GSG1L: variants seen among roughly 807,000 people sequenced by gnomAD.
The protein encoded by GSG1L is germ cell-specific gene 1-like protein.
In GSG1L, 24 loss-of-function variants were observed where a neutral mutation model predicts 42.1. The ratio of observed to expected loss-of-function variants is 0.57; its 90% CI spans 0.41 to 0.80. GSG1L has a LOEUF of 0.80. Among genes scored for constraint, GSG1L ranks in the 30% least tolerant of loss-of-function variants. The pLI is 0.00. For missense variants in GSG1L, 445 were observed against 472.2 expected (o/e 0.94, Z 0.53); for synonymous variants, 215 against 203.5 (o/e 1.06, Z -0.48).
chr16:28,011,403 T>C (rs560982309), intron 1 of GSG1L, among the ~76,000 whole-genome samples: 2 of 152,224 alleles, frequency 1.3e-5, no homozygotes, highest in East Asian at 1.9e-4. Flanking sequence ...TGTAAGAGGA[T>C]TGAGCAATGG....
intron 5 of GSG1L, among the ~76,000 whole-genome samples, chr16:27,821,430 T>TTCC (rs1403579169): frequency 3.9e-5 from 6 of 152,134 alleles, no homozygotes; most frequent in Non-Finnish European, 7.4e-5. Context: ...AACCCTTGCC[T>TTCC]TCCTCCCTCC....
At chr16:27,856,526 G>A (rs992747348) in intron 3 of GSG1L, among the ~76,000 whole-genome samples, 4 of 152,148 alleles carry the variant, frequency 2.6e-5, no homozygotes, top group Non-Finnish European at 5.9e-5. Flanking sequence ...TGTTGCCCGG[G>A]ATGGTCTCAA....
At chr16:27,822,082 G>A (rs75423759) in intron 5 of GSG1L, among the ~76,000 whole-genome samples, 2,809 of 151,924 alleles carry the variant, frequency 0.018, 83 homozygotes, top group African/African-American at 0.063. Flanking sequence ...CTCTAACAGA[G>A]GGATGGGGTG....
intron 5 of GSG1L, among the ~76,000 whole-genome samples, chr16:27,807,767 G>A (rs897876094): frequency 7.2e-5 from 11 of 152,176 alleles, no homozygotes; most frequent in Admixed American, 7.2e-4. Flanking sequence ...TGAGGCTTTT[G>A]GAGGTGATGT....
intron 5 of GSG1L, among the ~76,000 whole-genome samples, chr16:27,822,011 T>G (rs1173862707): frequency 1.3e-5 from 2 of 152,126 alleles, no homozygotes; most frequent in Non-Finnish European, 2.9e-5. Context: ...CATTTGCCGC[T>G]TGCTACAGGC....
At chr16:28,056,429 C>T (rs1250967861) in intron 1 of GSG1L, among the ~76,000 whole-genome samples, 1 of 126,576 alleles carries the variant, frequency 7.9e-6, no homozygotes, top group Non-Finnish European at 1.5e-5. Context: ...AATGAGAACA[C>T]ATGGACACAG....
At chr16:27,872,048 ATT>A (rs1204242410) in intron 3 of GSG1L, among the ~76,000 whole-genome samples, 1 of 152,240 alleles carries the variant, frequency 6.6e-6, no homozygotes, top group African/African-American at 2.4e-5. Flanking sequence ...AATTTTTTGA[ATT>A]AAAAATCAGG....
chr16:27,797,112 A>G (rs1739169712), intron 6 of GSG1L, among the ~76,000 whole-genome samples: 1 of 152,236 alleles, frequency 6.6e-6, no homozygotes, highest in South Asian at 2.1e-4. Context: ...CGAGGTCCAG[A>G]TAAATTAAGT....
chr16:27,970,940 A>T (rs768100766), intron 1 of GSG1L, among the ~76,000 whole-genome samples: 8 of 152,322 alleles, frequency 5.3e-5, no homozygotes, highest in Middle Eastern at 6.8e-3. Context: ...GTCTTGGCAC[A>T]CTTGCCAAAA....
intron 3 of GSG1L, among the ~76,000 whole-genome samples, chr16:27,866,805 C>A (rs2083732379): frequency 6.6e-6 from 1 of 152,174 alleles, no homozygotes; most frequent in Non-Finnish European, 1.5e-5. Flanking sequence ...CTCCTGACCT[C>A]ATGTGATCCT....
intron 1 of GSG1L, among the ~76,000 whole-genome samples, chr16:28,018,992 G>C (rs544509154): frequency 8.3e-4 from 126 of 152,142 alleles, no homozygotes; most frequent in Non-Finnish European, 1.6e-3. Context: ...TGGAACTCTG[G>C]TGTGAAATGG....
At chr16:27,820,189 C>T (rs774943442) in intron 5 of GSG1L, among the ~76,000 whole-genome samples, 3 of 152,144 alleles carry the variant, frequency 2.0e-5, no homozygotes, top group Non-Finnish European at 4.4e-5. Context: ...CAAGTAGAAA[C>T]ACCAAGGAAG....
chr16:27,942,536 A>G (rs72784124), intron 2 of GSG1L, among the ~76,000 whole-genome samples: 29,774 of 152,164 alleles, frequency 0.2, 3,416 homozygotes, highest in Non-Finnish European at 0.26. Context: ...AGCAACAAAG[A>G]TTATCGTGTG....
At chr16:28,037,634 A>G (rs2086056016) in intron 1 of GSG1L, among the ~76,000 whole-genome samples, 1 of 152,226 alleles carries the variant, frequency 6.6e-6, no homozygotes, top group South Asian at 2.1e-4. Context: ...ACAAAATAAC[A>G]ATAACAACAA....
chr16:27,829,549 A>G (rs139252437), intron 4 of GSG1L, among the ~76,000 whole-genome samples: 6 of 152,266 alleles, frequency 3.9e-5, no homozygotes, highest in South Asian at 2.1e-4. Flanking sequence ...CACATTCCTC[A>G]TGACTATTTG....
chr16:27,858,070 A>C (rs115031662), intron 3 of GSG1L, among the ~76,000 whole-genome samples: 76 of 152,288 alleles, frequency 5.0e-4, no homozygotes, highest in African/African-American at 9.6e-4. Flanking sequence ...CATTCGCTGA[A>C]ATGCAAATCC....
intron 1 of GSG1L, among the ~76,000 whole-genome samples, chr16:27,994,792 T>C (rs1198060312): frequency 6.6e-6 from 1 of 152,216 alleles, no homozygotes; most frequent in East Asian, 1.9e-4. Context: ...AATTCTCTGC[T>C]TCTAGGCCCA....
At chr16:28,006,288 G>A (rs2085637406) in intron 1 of GSG1L, among the ~76,000 whole-genome samples, 1 of 107,744 alleles carries the variant, frequency 9.3e-6, no homozygotes, top group South Asian at 3.2e-4. Flanking sequence ...CCAACACCTT[G>A]ATTGTATTTT....
intron 3 of GSG1L, among the ~76,000 whole-genome samples, chr16:27,879,801 GTAT>G (rs937454859): frequency 1.3e-5 from 2 of 149,862 alleles, no homozygotes; most frequent in Admixed American, 1.3e-4. Flanking sequence ...TATTTTTATT[GTAT>G]TATTATTTTA....
Sources: allele counts gnomAD v4.1 joint callset (sites outside exome capture counted in the v4.1 genomes callset), GRCh38; gene constraint gnomAD v4.1.1; transcripts MANE v1.5; gene names NCBI Gene and HGNC (gene_info 2026-07-23, HGNC 2026-07-21).